GPR158: variants seen among roughly 807,000 people sequenced by gnomAD.
GPR158 encodes the protein G protein-coupled receptor 158, also known as metabotropic glycine receptor.
Under a neutral mutation model 78.2 loss-of-function variants are expected in GPR158, and 30 were observed. The ratio of observed to expected loss-of-function variants is 0.38; its 90% CI spans 0.29 to 0.52. GPR158 has a LOEUF of 0.52. Ranked by LOEUF, GPR158 falls within the 20% of genes least tolerant of loss-of-function variation. The pLI is 0.83. For missense variants in GPR158, 1,463 were observed against 1,523.5 expected (o/e 0.96, Z 0.66); for synonymous variants, 581 against 591.1 (o/e 0.98, Z 0.25).
intron 2 of GPR158, among the ~76,000 whole-genome samples, chr10:25,378,438 C>T (rs192225728): frequency 1.3e-5 from 2 of 151,860 alleles, no homozygotes; most frequent in South Asian, 2.1e-4. Context: ...AGAAACCTGA[C>T]AGACTGCTTG....
intron 2 of GPR158, among the ~76,000 whole-genome samples, chr10:25,257,949 A>G (rs1254573093): frequency 6.6e-6 from 1 of 152,216 alleles, no homozygotes; most frequent in East Asian, 1.9e-4. Flanking sequence ...TCTTATGTGC[A>G]TCCTGACTCT....
At position 25,344,378 on chromosome 10, in the gene GPR158, C is replaced by CACAT. The variant is rs558261852; in HGVS notation, c.1009-51532_1009-51531insCATA. Among the ~76,000 whole-genome samples the CACAT allele has an allele frequency of 3.3e-3, 504 of 151,848 alleles. 2 individuals carry two copies. Among genetic ancestry groups the CACAT allele is most frequent in the African/African-American group, 0.011 (465 of 41,432 alleles). On this transcript the variant is annotated intron_variant, in intron 2 of 10. Coordinates refer to ENST00000376351, the MANE Select transcript of GPR158 (RefSeq NM_020752.3). ...TAGCTAATTAGCATATATATTACCTCAGCCATTTTTTGTGGTGAGAACACT... is the reference window on the plus strand; with the variant it reads ...TAGCTAATTAGCATATATATTACCTCACATAGCCATTTTTTGTGGTGAGAACACT...
At chr10:25,584,829 A>G (rs1837245894) in intron 7 of GPR158, among the ~76,000 whole-genome samples, 1 of 152,248 alleles carries the variant, frequency 6.6e-6, no homozygotes, top group Non-Finnish European at 1.5e-5. Context: ...CTAACAGTTT[A>G]TCTGAGCGAA....
Position 25,330,220 on chromosome 10 carries a change from C to T in GPR158, c.1009-65691C>T, listed in dbSNP as rs1175596240. Among the ~76,000 whole-genome samples, 3 of 151,974 alleles carry T rather than the reference C, an allele frequency of 2.0e-5. No individual in the cohort carries two copies. In the East Asian group the frequency reaches 5.8e-4, roughly 29 times the overall value. On this transcript the variant is annotated intron_variant, in intron 2 of 10. Coordinates refer to ENST00000376351, the MANE Select transcript of GPR158 (RefSeq NM_020752.3). ...TTTATTTCCTTTAACTTTTTAAAAC[C>T]TTCCTCTTCTAGCTAAGATATCCTT...
intron 2 of GPR158, among the ~76,000 whole-genome samples, chr10:25,246,860 T>A (rs1026100609): frequency 6.6e-6 from 1 of 152,198 alleles, no homozygotes; most frequent in African/African-American, 2.4e-5. Flanking sequence ...TTATTATGGT[T>A]TAATATGTTC....
At chr10:25,448,294 G>GCA (rs1835166600) in intron 4 of GPR158, among the ~76,000 whole-genome samples, 1 of 151,622 alleles carries the variant, frequency 6.6e-6, no homozygotes, top group Non-Finnish European at 1.5e-5. Flanking sequence ...GTTTCACCGT[G>GCA]TTAGCCAGGA....
chr10:25,445,167 G>A (rs867601282), intron 4 of GPR158, among the ~76,000 whole-genome samples: 3 of 152,026 alleles, frequency 2.0e-5, no homozygotes, highest in Non-Finnish European at 4.4e-5. Flanking sequence ...TAATAAATGA[G>A]AAAAAAGGAA....
At chr10:25,302,067 C>CTTTTTTTTTTTTTTTTTTTTTTTT (rs200536212) in intron 2 of GPR158, among the ~76,000 whole-genome samples, 1 of 133,970 alleles carries the variant, frequency 7.5e-6, no homozygotes. Context: ...TAATTTGTTC[C>CTTTTTTTTTTTTTTTTTTTTTTTT]TTTTTTTTTT....
chr10:25,472,437 G>A (rs1055149073), intron 5 of GPR158, among the ~76,000 whole-genome samples: 5 of 152,196 alleles, frequency 3.3e-5, no homozygotes, highest in Non-Finnish European at 5.9e-5. Flanking sequence ...GATGGACTTG[G>A]CAATGTGGGC....
Position 25,599,247 on chromosome 10 carries a change from A to G in GPR158, c.3621A>G (p.Glu1207=), listed in dbSNP as rs147289581. The G allele has an allele frequency of 2.4e-5, 38 of 1,612,420 alleles. No homozygotes were observed. Among genetic ancestry groups the G allele is most frequent in the Non-Finnish European group, 3.1e-5 (37 of 1,179,676 alleles). The change falls in exon 11 of 11, where the codon GAA becomes GAG. Residue 1207 remains glutamate, a synonymous_variant. Coordinates refer to ENST00000376351, the MANE Select transcript of GPR158 (RefSeq NM_020752.3). The part of the protein sequence containing the change: ...SANKIAGPRK[E]EIWDSFKV Reference sequence around the variant, plus strand: ...ATAAGATAGCAGGGCCTAGGAAAGAAGAGATCTGGGATAGTTTTAAAGTGT... The same window carrying G: ...ATAAGATAGCAGGGCCTAGGAAAGAGGAGATCTGGGATAGTTTTAAAGTGT...
At chr10:25,548,821 C>T (rs1564486821) in intron 5 of GPR158, among the ~76,000 whole-genome samples, 2 of 152,254 alleles carry the variant, frequency 1.3e-5, no homozygotes, top group South Asian at 4.1e-4. Context: ...TATACCTCCA[C>T]CATGGATGCT....
In GPR158 at chr10:25,426,721, G is replaced by A. The variant is rs1471479649; in HGVS notation, c.1335+14248G>A. Reference sequence around the variant, plus strand: ...TGTGTGATCACCAATCACCATAACAGATATAATAATAATGAAAATGTTGTG... The same window carrying A: ...TGTGTGATCACCAATCACCATAACAAATATAATAATAATGAAAATGTTGTG... On this transcript the variant is annotated intron_variant, in intron 4 of 10. Coordinates refer to ENST00000376351, the MANE Select transcript of GPR158 (RefSeq NM_020752.3). Among the ~76,000 whole-genome samples, 4 of 152,072 alleles carry A rather than the reference G, an allele frequency of 2.6e-5. No homozygotes were observed. The East Asian group carries it at 7.7e-4, about 29-fold the overall frequency.
chr10:25,259,103 G>C (rs1354596277), intron 2 of GPR158, among the ~76,000 whole-genome samples: 1 of 152,164 alleles, frequency 6.6e-6, no homozygotes, highest in African/African-American at 2.4e-5. Flanking sequence ...GGAGGAGGAA[G>C]AGGAGGGGTT....
intron 2 of GPR158, among the ~76,000 whole-genome samples, chr10:25,306,853 T>C (rs1327074262): frequency 6.6e-6 from 1 of 152,282 alleles, no homozygotes; most frequent in East Asian, 1.9e-4. Context: ...ACTTCTAGTG[T>C]GTCTTCTTGC....
intron 1 of GPR158, among the ~76,000 whole-genome samples, chr10:25,204,818 GTT>G (rs1159106958): frequency 5.0e-5 from 6 of 118,912 alleles, no homozygotes; most frequent in Non-Finnish European, 7.0e-5. Flanking sequence ...GTCTCTGAGG[GTT>G]TTTTTTTTTT....
intron 1 of GPR158, among the ~76,000 whole-genome samples, chr10:25,201,566 T>C (rs1852930235): frequency 6.6e-6 from 1 of 152,156 alleles, no homozygotes; most frequent in Non-Finnish European, 1.5e-5. Flanking sequence ...TGGGCATCTT[T>C]GTCTTGTTCT....
At position 25,550,968 on chromosome 10, in the gene GPR158, T is replaced by A. The variant is rs1239488943; in HGVS notation, c.1405-8T>A. On this transcript the variant is annotated splice_polypyrimidine_tract_variant and splice_region_variant and intron_variant, in intron 5 of 10. Transcript: ENST00000376351. ...TCCTGAAGGTCTCTTTCTGTTTTCA[T>A]CCCACAGGTTGTTATTTTGTACTTT... The A allele has an allele frequency of 1.4e-6, 2 of 1,453,956 alleles. No homozygotes were observed. The highest frequency in any genetic ancestry group is 1.9e-6 in the Non-Finnish European group (2 of 1,034,010). 90.1% of individuals were successfully genotyped at this position (1,453,956 alleles called of 1,614,324 possible). A position where few individuals can be genotyped will look rare whatever the true frequency, so the allele number is the denominator to read the frequency against.
intron 5 of GPR158, among the ~76,000 whole-genome samples, chr10:25,473,710 C>T (rs1247223497): frequency 6.6e-6 from 1 of 152,056 alleles, no homozygotes; most frequent in African/African-American, 2.4e-5. Flanking sequence ...GGAATTTATC[C>T]ATTTCTTCTA....
rs1415929841 is a variant in GPR158 at position 25,466,710 on chromosome 10, A to G, written c.1395A>G (p.Leu465=). 6.3e-7 allele frequency: 1 copy of G among 1,586,476 alleles called. No homozygotes were observed. The highest frequency in any genetic ancestry group is 8.6e-7 in the Non-Finnish European group (1 of 1,160,726). ...CGATCCTTTTTGGATCTCTGCTCCT[A>G]TACTTTCCAGTAAGTAACAGAATTT... ...LETILFGSLL[L]YFPVVILYFE... The change falls in exon 5 of 11, where the codon CTA becomes CTG. Residue 465 remains leucine (L), a synonymous_variant. Transcript: ENST00000376351.
Sources: allele counts gnomAD v4.1 joint callset (sites outside exome capture counted in the v4.1 genomes callset), GRCh38; gene constraint gnomAD v4.1.1; transcripts MANE v1.5; gene names NCBI Gene and HGNC (gene_info 2026-07-23, HGNC 2026-07-21).